The following RANBP10 variants were observed in gnomAD, a reference collection of about 807,000 sequenced individuals.
RANBP10 encodes ran-binding protein 10.
RANBP10 carries 24 observed loss-of-function variants against 72.8 expected under a neutral mutation model. The observed-to-expected ratio is 0.33, with a 90% CI of 0.24 to 0.46. The LOEUF is 0.46. RANBP10 is among the 20% of genes least tolerant of loss of function. The pLI is 1.00. For synonymous variants in RANBP10, 310 were observed against 322.3 expected (o/e 0.96, Z 0.41); for missense variants, 679 against 817.5 (o/e 0.83, Z 2.07).
intron 2 of RANBP10, among the ~76,000 whole-genome samples, chr16:67,775,907 A>G (rs1462716672): frequency 6.6e-6 from 1 of 151,796 alleles, no homozygotes. Context: ...GCTCTTTGGG[A>G]GGCCCAGGCG....
At chr16:67,801,357 G>T (rs754247074) in intron 2 of RANBP10, among the ~76,000 whole-genome samples, 10 of 152,120 alleles carry the variant, frequency 6.6e-5, no homozygotes, top group Non-Finnish European at 1.2e-4. Context: ...TCTACCCAGG[G>T]AAGAAATGCA....
Position 67,730,563 on chromosome 16 carries a change from A to G in RANBP10, c.890-517T>C, listed in dbSNP as rs1242155172. On this transcript the variant is annotated intron_variant, in intron 7 of 13. Coordinates refer to ENST00000317506, the MANE Select transcript of RANBP10 (RefSeq NM_020850.3). This position sits in a 1 kb window ranked among gnomAD's most constrained non-coding sequence, Gnocchi z 4.3. Reference sequence around the variant, plus strand: ...GCTGGGAGAGGAGGCCATCCTCCTCATGCTGGCACCTCTGATGTTGACACC... The same window carrying G: ...GCTGGGAGAGGAGGCCATCCTCCTCGTGCTGGCACCTCTGATGTTGACACC... 2.0e-5 allele frequency among the ~76,000 whole-genome samples: 3 copies of G among 152,202 alleles called. No individual in the cohort carries two copies. The highest frequency in any genetic ancestry group is 4.4e-5 in the Non-Finnish European group (3 of 68,036).
chr16:67,747,493 T>TTTTG (rs968219239), intron 3 of RANBP10, among the ~76,000 whole-genome samples: 16 of 152,206 alleles, frequency 1.1e-4, no homozygotes, highest in East Asian at 7.7e-4. Context: ...TTATCATCAT[T>TTTTG]TTTGTTTGTT....
intron 2 of RANBP10, among the ~76,000 whole-genome samples, chr16:67,803,846 A>G (rs2055282102): frequency 6.6e-6 from 1 of 150,384 alleles, no homozygotes; most frequent in Non-Finnish European, 1.5e-5. Context: ...AAAAAAAAAA[A>G]AAAAAGAGAG....
At chr16:67,754,132 CA>C (rs67996811) in intron 3 of RANBP10, among the ~76,000 whole-genome samples, 9,622 of 68,750 alleles carry the variant, frequency 0.14, 416 homozygotes, top group Middle Eastern at 0.36. Context: ...GAGTCCTTCT[CA>C]AAAAAAAAAA....
chr16:67,740,098 C>CT (rs892700613), intron 4 of RANBP10, among the ~76,000 whole-genome samples: 1,384 of 131,258 alleles, frequency 0.011, 17 homozygotes, highest in African/African-American at 0.031. Context: ...CAGGTTCACA[C>CT]TTTTTTTTTT....
chr16:67,749,259 C>T (rs950599795), intron 3 of RANBP10, among the ~76,000 whole-genome samples: 4 of 152,182 alleles, frequency 2.6e-5, no homozygotes, highest in African/African-American at 9.7e-5. Flanking sequence ...TCACAGCACC[C>T]ATCCCAAGCC....
At chr16:67,744,021 A>G in intron 4 of RANBP10, 1 of 919,846 alleles carries the variant, frequency 1.1e-6, no homozygotes, top group Non-Finnish European at 1.3e-6. Context: ...TTGCTCCAAC[A>G]AGTGCCACCA....
intron 13 of RANBP10, 54 bp downstream of exon 13, chr16:67,727,273 T>C: frequency 6.6e-7 from 1 of 1,505,508 alleles, no homozygotes; most frequent in South Asian, 1.2e-5. Context: ...CACTCCAGCT[T>C]GGGCTACAGA....
intron 2 of RANBP10, among the ~76,000 whole-genome samples, chr16:67,783,500 C>A (rs2054851407): frequency 6.6e-6 from 1 of 152,174 alleles, no homozygotes; most frequent in Non-Finnish European, 1.5e-5. Flanking sequence ...AAACACAACA[C>A]CCTTGACTCT....
intron 2 of RANBP10, among the ~76,000 whole-genome samples, chr16:67,791,850 T>C (rs1412350061): frequency 1.3e-5 from 2 of 152,080 alleles, no homozygotes; most frequent in African/African-American, 4.8e-5. Flanking sequence ...TATTCAGTGC[T>C]AGGAATTTTA....
chr16:67,781,190 C>G (rs2054803390), intron 2 of RANBP10, among the ~76,000 whole-genome samples: 1 of 152,226 alleles, frequency 6.6e-6, no homozygotes, highest in South Asian at 2.1e-4. Flanking sequence ...CATTCATACA[C>G]TGGAGGATCT....
chr16:67,768,909 G>C (rs570021515), intron 3 of RANBP10, among the ~76,000 whole-genome samples: 31 of 152,290 alleles, frequency 2.0e-4, no homozygotes, highest in Admixed American at 1.9e-3. Flanking sequence ...AAATTCCAAA[G>C]GCTTGTGAGT....
chr16:67,766,715 A>G (rs1048178668), intron 3 of RANBP10, among the ~76,000 whole-genome samples: 3 of 152,182 alleles, frequency 2.0e-5, no homozygotes, highest in African/African-American at 7.2e-5. Flanking sequence ...TAAATGATCC[A>G]GCCTCAGGTA....
chr16:67,799,388 C>T (rs917051856), intron 2 of RANBP10, among the ~76,000 whole-genome samples: 1 of 150,022 alleles, frequency 6.7e-6, no homozygotes. Flanking sequence ...CCCGGGTTCA[C>T]GCCATTCTCC....
In RANBP10 at chr16:67,756,399, A is replaced by T. The variant is rs1277462956; in HGVS notation, c.401-11944T>A. 4.1e-4 allele frequency among the ~76,000 whole-genome samples: 62 copies of T among 152,346 alleles called. 1 individual carries two copies. The highest frequency in any genetic ancestry group is 4.4e-5 in the Non-Finnish European group (3 of 68,030). On this transcript the variant is annotated intron_variant, in intron 3 of 13. Coordinates refer to ENST00000317506, the MANE Select transcript of RANBP10 (RefSeq NM_020850.3). ...TGGTCCTGGCCCACGGCTGACCAGGACACAGGGGCCAGCTACGTCTCCCTC... is the reference window on the plus strand; with the variant it reads ...TGGTCCTGGCCCACGGCTGACCAGGTCACAGGGGCCAGCTACGTCTCCCTC...
intron 2 of RANBP10, among the ~76,000 whole-genome samples, chr16:67,789,565 ATT>A (rs1365846548): frequency 6.6e-6 from 1 of 151,124 alleles, no homozygotes; most frequent in African/African-American, 2.4e-5. Flanking sequence ...CACCTCCTGG[ATT>A]CAAGTGATTA....
At chr16:67,792,396 A>T (rs551464221) in intron 2 of RANBP10, among the ~76,000 whole-genome samples, 23 of 152,038 alleles carry the variant, frequency 1.5e-4, no homozygotes, top group Non-Finnish European at 2.9e-4. Context: ...CTACTAAAAA[A>T]AAATACAAAA....
chr16:67,773,921 G>C (rs1019852834), intron 2 of RANBP10, among the ~76,000 whole-genome samples: 5 of 152,214 alleles, frequency 3.3e-5, no homozygotes, highest in Admixed American at 2.0e-4. Context: ...CTGCCAGAGG[G>C]GCTAGCTTCA....
Sources: gnomAD v4.1 joint callset for allele counts (sites outside exome capture counted in the v4.1 genomes callset) on GRCh38, gnomAD v4.1.1 for gene constraint, Gnocchi (gnomAD v3.1) non-coding constraint, MANE v1.5 for transcripts, NCBI Gene and HGNC (gene_info 2026-07-23, HGNC 2026-07-21) for gene names.